The following VWA8 variants were observed in gnomAD, a reference collection of about 807,000 sequenced individuals.
The protein encoded by VWA8 is von Willebrand factor A domain containing 8, also known as von Willebrand factor A domain-containing protein 8.
A neutral mutation model predicts 241.5 loss-of-function variants in VWA8; 221 were observed. The observed-to-expected ratio is 0.91, with a 90% CI of 0.82 to 1.02. The LOEUF is 1.02. VWA8 is among the 50% of genes least tolerant of loss of function. The pLI is 0.00. For synonymous variants in VWA8, 852 were observed against 827.1 expected (o/e 1.03, Z -0.52); for missense variants, 2,322 against 2,328.7 (o/e 1.00, Z 0.06).
At chr13:41,576,947 C>T (rs1259612121) in intron 42 of VWA8, among the ~76,000 whole-genome samples, 1 of 152,252 alleles carries the variant, frequency 6.6e-6, no homozygotes, top group African/African-American at 2.4e-5. Context: ...CCAGTGCTGA[C>T]ATCCACACTC....
chr13:41,591,282 A>G (rs984713700), intron 40 of VWA8, among the ~76,000 whole-genome samples: 2 of 152,096 alleles, frequency 1.3e-5, no homozygotes, highest in African/African-American at 4.8e-5. Context: ...CTGGTTATCT[A>G]TTTTCAGAAA....
intron 26 of VWA8, among the ~76,000 whole-genome samples, chr13:41,713,377 G>A (rs1298562336): frequency 6.6e-6 from 1 of 152,112 alleles, no homozygotes. Context: ...CTATCCCTGT[G>A]TTCTGAAATA....
intron 4 of VWA8, among the ~76,000 whole-genome samples, chr13:41,901,200 A>T (rs1875408941): frequency 6.6e-6 from 1 of 150,828 alleles, no homozygotes; most frequent in Non-Finnish European, 1.5e-5. Flanking sequence ...GTAACCTTGA[A>T]CTCCTGGCCT....
Position 41,691,372 on chromosome 13 carries a change from C to A in VWA8, c.3814G>T (p.Val1272Phe), listed in dbSNP as rs1210717479. 1.2e-6 allele frequency: 2 copies of A among 1,612,652 alleles called. No homozygotes were observed. The highest frequency in any genetic ancestry group is 2.2e-5 in the East Asian group (1 of 44,842). The change falls in exon 32 of 45, where the codon GTT becomes TTT. Residue 1272 changes from valine to phenylalanine, a missense_variant. Coordinates refer to ENST00000379310, the MANE Select transcript of VWA8 (RefSeq NM_015058.2). ...TISLPINLKT[V>F]FLVAEDKWLL... ...CATTTGTCCTCTGCTACAAGGAAAA[C>A]TGTCTTGAGGTTGATGGGAAGTGAG...
intron 30 of VWA8, 60 bp downstream of exon 30, chr13:41,692,802 T>C: frequency 7.1e-7 from 1 of 1,403,864 alleles, no homozygotes; most frequent in African/African-American, 1.4e-5. Flanking sequence ...CATGCATCTT[T>C]CTGGTTAGAA....
intron 37 of VWA8, among the ~76,000 whole-genome samples, chr13:41,665,568 T>G (rs1369265645): frequency 7.4e-6 from 1 of 135,668 alleles, no homozygotes; most frequent in Non-Finnish European, 1.5e-5. Flanking sequence ...TTAAGTACAT[T>G]AAGTAAGTAC....
chr13:41,643,129 T>A (rs1933934849), intron 37 of VWA8, among the ~76,000 whole-genome samples: 2 of 152,136 alleles, frequency 1.3e-5, no homozygotes, highest in African/African-American at 4.8e-5. Context: ...CAGCCTCAAG[T>A]TAATTCTGCT....
At chr13:41,889,277 C>G (rs987856075) in intron 5 of VWA8, among the ~76,000 whole-genome samples, 1 of 152,088 alleles carries the variant, frequency 6.6e-6, no homozygotes, top group African/African-American at 2.4e-5. Context: ...ACAGAAATAA[C>G]ATTTACCGAT....
chr13:41,756,300 G>C (rs902893609), intron 21 of VWA8, among the ~76,000 whole-genome samples: 2 of 151,698 alleles, frequency 1.3e-5, no homozygotes, highest in African/African-American at 4.8e-5. Context: ...CATACACCTA[G>C]AAATAATTAC....
chr13:41,927,308 C>A (rs1011439945), intron 2 of VWA8: 3 of 524,448 alleles, frequency 5.7e-6, no homozygotes, highest in Non-Finnish European at 1.2e-5. Flanking sequence ...AATGTAGCAA[C>A]CACTGATATG....
At chr13:41,895,678 A>G (rs2138090374) in intron 4 of VWA8, among the ~76,000 whole-genome samples, 1 of 152,200 alleles carries the variant, frequency 6.6e-6, no homozygotes, top group East Asian at 1.9e-4. Context: ...GAAAAGGCTC[A>G]TTAGTCTTTT....
chr13:41,741,803 A>G (rs2045571434), intron 21 of VWA8, among the ~76,000 whole-genome samples: 1 of 152,248 alleles, frequency 6.6e-6, no homozygotes, highest in African/African-American at 2.4e-5. Context: ...GGAAGCTCAC[A>G]TGACACACAG....
chr13:41,852,582 A>G lies in VWA8; in HGVS notation c.1425+13154T>C, dbSNP rs112581316. Among the ~76,000 whole-genome samples the G allele has an allele frequency of 6.3e-3, 963 of 152,134 alleles. 9 individuals are homozygous for G. The highest frequency in any genetic ancestry group is 0.022 in the African/African-American group (918 of 41,506). On this transcript the variant is annotated intron_variant, in intron 12 of 44. Transcript: ENST00000379310. The stretch of plus-strand genomic sequence containing the variant: ...CCCCTTCTTTTCTTCTAGTAGTTTT[A>G]TAGTTTCAGTCTTACATTTATGTAT...
chr13:41,699,205 T>C lies in VWA8; in HGVS notation c.3430A>G (p.Thr1144Ala). Residue 1144 changes from threonine (T) to alanine (A), a missense_variant, in exon 29 of 45, where the codon ACT becomes GCT. Thr to Ala is a moderately conservative substitution (Grantham distance 58). Coordinates refer to ENST00000379310, the MANE Select transcript of VWA8 (RefSeq NM_015058.2). ...NPASLYFMNM[T>A]GKSGFFVDFF... ...TCCACAAAGAAGCCACTTTTCCCAG[T>C]CATATTCATAAAGTACAGGGAAGCG... 6.2e-7 allele frequency: 1 copy of C among 1,614,156 alleles called. No individual in the cohort carries two copies. Among genetic ancestry groups the C allele is most frequent in the Non-Finnish European group, 8.5e-7 (1 of 1,180,002 alleles).
intron 16 of VWA8, among the ~76,000 whole-genome samples, chr13:41,813,391 T>A (rs901979093): frequency 6.3e-5 from 9 of 143,358 alleles, no homozygotes; most frequent in Middle Eastern, 3.5e-3. Context: ...GAAAGAAACA[T>A]GTATTGAGGA....
chr13:41,620,317 C>A (rs34431682), intron 37 of VWA8, among the ~76,000 whole-genome samples: 3,343 of 151,998 alleles, frequency 0.022, 36 homozygotes, highest in Middle Eastern at 0.048. Flanking sequence ...GTGGTGATAT[C>A]CCCTTTATCA....
At chr13:41,605,308 C>T (rs370353113) in intron 39 of VWA8, 32 bp from the exon 40 acceptor site, 7 of 1,604,178 alleles carry the variant, frequency 4.4e-6, no homozygotes, top group Non-Finnish European at 5.1e-6. Context: ...AAGTTAACAG[C>T]TTAAATCACG....
intron 20 of VWA8, among the ~76,000 whole-genome samples, chr13:41,762,601 TA>T (rs773951554): frequency 6.6e-6 from 1 of 152,106 alleles, no homozygotes; most frequent in Non-Finnish European, 1.5e-5. Flanking sequence ...AAGAAATAAT[TA>T]GGTAGACTGG....
At chr13:41,811,899 A>G (rs1213845443) in intron 16 of VWA8, among the ~76,000 whole-genome samples, 1 of 152,152 alleles carries the variant, frequency 6.6e-6, no homozygotes, top group East Asian at 1.9e-4. Flanking sequence ...CCAAAATTCC[A>G]CGAATAGAGT....
Sources: gnomAD v4.1 joint callset for allele counts (sites outside exome capture counted in the v4.1 genomes callset) on GRCh38, gnomAD v4.1.1 for gene constraint, MANE v1.5 for transcripts, NCBI Gene and HGNC (gene_info 2026-07-23, HGNC 2026-07-21) for gene names.